AGAP1: variants seen among roughly 807,000 people sequenced by gnomAD.
The protein encoded by AGAP1 is ArfGAP with GTPase domain, ankyrin repeat and PH domain 1.
AGAP1 carries 29 observed loss-of-function variants against 105.3 expected under a neutral mutation model. That is an observed-to-expected ratio of 0.28 (90% confidence interval 0.21 to 0.38). The LOEUF is 0.38. Ranked by LOEUF, AGAP1 falls within the 10% of genes least tolerant of loss-of-function variation. The probability of loss-of-function intolerance (pLI) is 1.00; values close to 1 mark genes in which losing one functional copy is unlikely to be tolerated. For missense variants in AGAP1, 998 were observed against 1,165.1 expected, an observed-to-expected ratio of 0.86 and a Z score of 2.09; for synonymous variants, 509 against 485.9, an observed-to-expected ratio of 1.05 and a Z score of -0.63.
Position 236,123,383 on chromosome 2 carries a change from CAGTAT to C in AGAP1, c.2371-531_2371-527del, listed in dbSNP as rs1251812141. On this transcript the variant is annotated intron_variant, in intron 17 of 17. Coordinates refer to ENST00000304032, the MANE Select transcript of AGAP1 (RefSeq NM_001037131.3). The surrounding 1 kb of genome is among the most constrained non-coding windows in gnomAD (Gnocchi z 4.6). Reference sequence around the variant, plus strand: ...TTTTAATGATGTAAGAAAATGATCACAGTATAGTAATCAATAAAAAATGAAAAAAA... The same window carrying C: ...TTTTAATGATGTAAGAAAATGATCACAGTAATCAATAAAAAATGAAAAAAA... Among the ~76,000 whole-genome samples the C allele has an allele frequency of 6.6e-6, 1 of 151,936 alleles. No homozygotes were observed. Among genetic ancestry groups the C allele is most frequent in the Non-Finnish European group, 1.5e-5 (1 of 67,988 alleles).
intron 12 of AGAP1, among the ~76,000 whole-genome samples, chr2:235,933,248 A>G (rs1174310015): frequency 6.6e-6 from 1 of 152,198 alleles, no homozygotes; most frequent in Non-Finnish European, 1.5e-5. Flanking sequence ...GGAAGTTATT[A>G]TAAGCATTGG....
At chr2:235,585,183 G>T (rs1007599950) in intron 1 of AGAP1, among the ~76,000 whole-genome samples, 6 of 152,096 alleles carry the variant, frequency 3.9e-5, no homozygotes, top group African/African-American at 1.4e-4. Flanking sequence ...ATTTATTACA[G>T]TTCGGAAGCT....
rs1189969512 is a variant in AGAP1, at chr2:235,724,590, G to A, written c.310+6946G>A. On this transcript the variant is annotated intron_variant, in intron 3 of 17. Coordinates refer to ENST00000304032, the MANE Select transcript of AGAP1 (RefSeq NM_001037131.3). The surrounding 1 kb of genome is among the most constrained non-coding windows in gnomAD (Gnocchi z 4.9). Reference sequence around the variant, plus strand: ...GAAAAGGTACCTGCGGTGGTGGGGGGAGGGGGAGTTCCCTATGTAAAGAAG... The same window carrying A: ...GAAAAGGTACCTGCGGTGGTGGGGGAAGGGGGAGTTCCCTATGTAAAGAAG... 6.6e-6 allele frequency among the ~76,000 whole-genome samples: 1 copy of A among 152,164 alleles called. No homozygotes were observed. The highest frequency in any genetic ancestry group is 1.5e-5 in the Non-Finnish European group (1 of 68,034).
In AGAP1 at chr2:236,087,739, T is replaced by C. The variant is rs1350045501; in HGVS notation, c.2115-32453T>C. Among the ~76,000 whole-genome samples, 1 of 152,242 alleles carries C rather than the reference T, an allele frequency of 6.6e-6. No homozygotes were observed. The highest frequency in any genetic ancestry group is 2.4e-5 in the African/African-American group (1 of 41,462). Reference sequence around the variant, plus strand: ...GTGACAACCGGGGACATACCCATTTTCTTTGTCCATGAAGCACCAAATAAG... The same window carrying C: ...GTGACAACCGGGGACATACCCATTTCCTTTGTCCATGAAGCACCAAATAAG... On this transcript the variant is annotated intron_variant, in intron 16 of 17. Coordinates refer to ENST00000304032, the MANE Select transcript of AGAP1 (RefSeq NM_001037131.3). The surrounding 1 kb of genome is among the most constrained non-coding windows in gnomAD (Gnocchi z 5.7).
rs1054751381 is a variant in AGAP1 at position 235,689,079 on chromosome 2, A to C, written c.164-20100A>C. On this transcript the variant is annotated intron_variant, in intron 1 of 17. Coordinates refer to ENST00000304032, the MANE Select transcript of AGAP1 (RefSeq NM_001037131.3). The surrounding 1 kb of genome is among the most constrained non-coding windows in gnomAD (Gnocchi z 4.2). Reference sequence around the variant, plus strand: ...TTGATTGATTGGTTATCTGTAGGAGACATCTACGTATACGTATTTATAGAG... The same window carrying C: ...TTGATTGATTGGTTATCTGTAGGAGCCATCTACGTATACGTATTTATAGAG... Among the ~76,000 whole-genome samples the C allele has an allele frequency of 6.6e-6, 1 of 152,154 alleles. No homozygotes were observed. Among genetic ancestry groups the C allele is most frequent in the African/African-American group, 2.4e-5 (1 of 41,428 alleles).
At chr2:235,898,835 C>T (rs2050930268) in intron 10 of AGAP1, among the ~76,000 whole-genome samples, 1 of 152,056 alleles carries the variant, frequency 6.6e-6, no homozygotes, top group Non-Finnish European at 1.5e-5. Context: ...ACTCTGATTT[C>T]GAGGCTTATT....
chr2:235,741,966 G>C lies in AGAP1; in HGVS notation c.396+918G>C, dbSNP rs1952617098. Among the ~76,000 whole-genome samples, 1 of 151,972 alleles carries C rather than the reference G, an allele frequency of 6.6e-6. No individual in the cohort carries two copies. The highest frequency in any genetic ancestry group is 2.1e-4 in the South Asian group (1 of 4,824). ...GATGGAGTTTCACCATGTTAGCCAG[G>C]ATGGTCTCGATCTCCTGACCTCGTG... On this transcript the variant is annotated intron_variant, in intron 4 of 17. Coordinates refer to ENST00000304032, the MANE Select transcript of AGAP1 (RefSeq NM_001037131.3). This position sits in a 1 kb window ranked among gnomAD's most constrained non-coding sequence, Gnocchi z 4.9.
At chr2:236,018,005 C>G (rs193146001) in intron 13 of AGAP1, among the ~76,000 whole-genome samples, 26 of 152,284 alleles carry the variant, frequency 1.7e-4, no homozygotes, top group African/African-American at 6.3e-4. Context: ...ACAAAACTTA[C>G]AAGGGAAACG....
rs1355920985 is a variant in AGAP1, at chr2:235,830,619, T to C, written c.1050+23288T>C. On this transcript the variant is annotated intron_variant, in intron 9 of 17. Coordinates refer to ENST00000304032, the MANE Select transcript of AGAP1 (RefSeq NM_001037131.3). The surrounding 1 kb of genome is among the most constrained non-coding windows in gnomAD (Gnocchi z 5.5). ...GCTCAGGGGGCTTGGAGTTTATTTG[T>C]TGGGGGAAGCAATGTTGGTAGGGGG... 2.0e-5 allele frequency among the ~76,000 whole-genome samples: 3 copies of C among 147,878 alleles called. No homozygotes were observed. The highest frequency in any genetic ancestry group is 2.3e-4 in the South Asian group (1 of 4,400).
intron 9 of AGAP1, among the ~76,000 whole-genome samples, chr2:235,869,281 T>C (rs2049322360): frequency 1.3e-5 from 2 of 151,848 alleles, no homozygotes. Context: ...CAAATTATAG[T>C]GGCTTAAAAC....
In AGAP1 at chr2:235,747,120, C is replaced by T. The variant is rs1026979602; in HGVS notation, c.538+2281C>T. Among the ~76,000 whole-genome samples the T allele has an allele frequency of 2.6e-4, 40 of 152,190 alleles. No homozygotes were observed. The highest frequency in any genetic ancestry group is 3.4e-3 in the Middle Eastern group (1 of 292). On this transcript the variant is annotated intron_variant, in intron 5 of 17. Coordinates refer to ENST00000304032, the MANE Select transcript of AGAP1 (RefSeq NM_001037131.3). The surrounding 1 kb of genome is among the most constrained non-coding windows in gnomAD (Gnocchi z 5.0). ...CTTTTGTTCCTCATATTTCAATCTG[C>T]GACCAGTGTTCCAGGGTCCTGCCTG...
chr2:235,748,843 T>A (rs561102973), intron 5 of AGAP1, among the ~76,000 whole-genome samples: 1 of 152,358 alleles, frequency 6.6e-6, no homozygotes, highest in South Asian at 2.1e-4. Flanking sequence ...TGGATTTTTG[T>A]TTAAAGAGTT....
chr2:235,727,068 C>T (rs528322459), intron 3 of AGAP1, among the ~76,000 whole-genome samples: 4 of 152,308 alleles, frequency 2.6e-5, no homozygotes, highest in African/African-American at 4.8e-5. Flanking sequence ...TCAATAGCTA[C>T]AGCAAAAGAC....
chr2:235,998,746 A>G (rs147196825), intron 13 of AGAP1, among the ~76,000 whole-genome samples: 1 of 148,630 alleles, frequency 6.7e-6, no homozygotes, highest in African/African-American at 2.5e-5. Flanking sequence ...GATGATTAAT[A>G]TGGTACAGTG....
intron 16 of AGAP1, among the ~76,000 whole-genome samples, chr2:236,099,179 G>A (rs965231732): frequency 6.6e-6 from 1 of 152,088 alleles, no homozygotes; most frequent in Non-Finnish European, 1.5e-5. Context: ...GGGGCCAGGT[G>A]CGGTGGCTCA....
At chr2:235,984,332 G>A (rs891192113) in intron 13 of AGAP1, among the ~76,000 whole-genome samples, 4 of 152,126 alleles carry the variant, frequency 2.6e-5, no homozygotes, top group African/African-American at 9.7e-5. Context: ...TGGCTGTTAT[G>A]AAGGATGCTG....
chr2:235,638,686 A>G lies in AGAP1; in HGVS notation c.164-70493A>G, dbSNP rs79023275. On this transcript the variant is annotated intron_variant, in intron 1 of 17. Coordinates refer to ENST00000304032, the MANE Select transcript of AGAP1 (RefSeq NM_001037131.3). ...GGAGCCATCATTGTCTTTGCTTTCC[A>G]GAGAATAATAGCGTGGTGTCCTGGA... is the stretch of plus-strand genomic sequence containing the variant. Among the ~76,000 whole-genome samples, 759 of 152,278 alleles carry G rather than the reference A, an allele frequency of 5.0e-3. 4 individuals carry two copies. Among genetic ancestry groups the G allele is most frequent in the African/African-American group, 0.018 (733 of 41,560 alleles).
rs1443731201 is a variant in AGAP1, at chr2:235,551,494, G to T, written c.163+56645G>T. Among the ~76,000 whole-genome samples, 1 of 151,918 alleles carries T rather than the reference G, an allele frequency of 6.6e-6. No individual in the cohort carries two copies. Among genetic ancestry groups the T allele is most frequent in the African/African-American group, 2.4e-5 (1 of 41,362 alleles). ...CTGATTTTTTTTGTAGAGACGGGTC[G>T]TCCAGTGATACTCAGATTGGTCTCT... On this transcript the variant is annotated intron_variant, in intron 1 of 17. Transcript: ENST00000304032. The surrounding 1 kb of genome is among the most constrained non-coding windows in gnomAD (Gnocchi z 4.8).
At chr2:235,641,638 T>TC (rs371454376) in intron 1 of AGAP1, among the ~76,000 whole-genome samples, 56 of 152,214 alleles carry the variant, frequency 3.7e-4, no homozygotes, top group Non-Finnish European at 5.6e-4. Context: ...GGCTTTACTT[T>TC]CCCCCCCACA....
Sources: gnomAD v4.1 joint callset for allele counts (sites outside exome capture counted in the v4.1 genomes callset) on GRCh38, gnomAD v4.1.1 for gene constraint, Gnocchi (gnomAD v3.1) non-coding constraint, MANE v1.5 for transcripts, NCBI Gene and HGNC (gene_info 2026-07-23, HGNC 2026-07-21) for gene names.